FBH1: variants seen among roughly 807,000 people sequenced by gnomAD.
FBH1 encodes the protein F-box DNA helicase 1.
FBH1 carries 43 observed loss-of-function variants against 115.5 expected under a neutral mutation model. The ratio of observed to expected loss-of-function variants is 0.37; its 90% CI spans 0.29 to 0.48. The LOEUF is 0.48. FBH1 is among the 20% of genes least tolerant of loss of function. The pLI, the probability that FBH1 is intolerant of heterozygous loss-of-function variation, is 0.99. For missense variants in FBH1, 1,001 were observed against 1,337.3 expected, an observed-to-expected ratio of 0.75 and a Z score of 3.92; for synonymous variants, 524 against 507.8, an observed-to-expected ratio of 1.03 and a Z score of -0.43.
At position 5,924,573 on chromosome 10, in the gene FBH1, T is replaced by G. The variant is rs1832518437; in HGVS notation, c.2596+65T>G. On this transcript the variant is annotated intron_variant, in intron 17 of 20. Transcript: ENST00000362091. The surrounding 1 kb of genome is among the most constrained non-coding windows in gnomAD (Gnocchi z 6.2). ...AGGAACAGATGGTCTTCTGCTGTTC[T>G]TTTTTTTTTTTTGAGACAGAGTATT... 1 of 273,884 alleles carries G rather than the reference T, an allele frequency of 3.7e-6. No individual in the cohort carries two copies. The highest frequency in any genetic ancestry group is 3.1e-5 in the African/African-American group (1 of 32,054). The allele number at this position is 273,884 out of a possible 1,614,324, so 17.0% of individuals were successfully genotyped here. A position where few individuals can be genotyped will look rare whatever the true frequency, so the allele number is the denominator to read the frequency against.
At position 5,917,747 on chromosome 10, in the gene FBH1, C is replaced by T; in HGVS notation, c.1963+71C>T. The T allele has an allele frequency of 9.0e-7, 1 of 1,105,646 alleles. No individual in the cohort carries two copies. The highest frequency in any genetic ancestry group is 2.4e-5 in the East Asian group (1 of 40,832). 68.5% of individuals were successfully genotyped at this position (1,105,646 alleles called of 1,614,324 possible). ...AGCGCCATGATTATGTAAGAGGACA[C>T]CTGTGTGAACTAAGTTGATTATTAT... On this transcript the variant is annotated intron_variant, in intron 12 of 20. Transcript: ENST00000362091. The surrounding 1 kb of genome is among the most constrained non-coding windows in gnomAD (Gnocchi z 5.6).
In FBH1 at chr10:5,911,267, T is replaced by G; in HGVS notation, c.1211+139T>G. 1.2e-6 allele frequency: 1 copy of G among 803,128 alleles called. No individual in the cohort carries two copies. Among genetic ancestry groups the G allele is most frequent in the Admixed American group, 2.9e-5 (1 of 34,932 alleles). 49.8% of individuals were successfully genotyped at this position (803,128 alleles called of 1,614,324 possible). ...CACCTGCTCCACCTCAGTGTCATCT[T>G]CTGCAGGAGCCAGGGGCTGAGAGTT... On this transcript the variant is annotated intron_variant, in intron 6 of 20. Transcript: ENST00000362091. This position sits in a 1 kb window ranked among gnomAD's most constrained non-coding sequence, Gnocchi z 5.4.
chr10:5,914,032 T>G lies in FBH1; in HGVS notation c.1305-146T>G. The G allele has an allele frequency of 1.2e-6, 1 of 829,568 alleles. No homozygotes were observed. The highest frequency in any genetic ancestry group is 2.5e-5 in the East Asian group (1 of 39,766). The allele number at this position is 829,568 out of a possible 1,614,324, so 51.4% of individuals were successfully genotyped here. On this transcript the variant is annotated intron_variant, in intron 7 of 20. Transcript: ENST00000362091. This position sits in a 1 kb window ranked among gnomAD's most constrained non-coding sequence, Gnocchi z 5.2. ...GTGCATCAGCATCATAATCTAGCTTTAGAACATGTTTATTCTCGTAAGGGG... is the reference window on the plus strand; with the variant it reads ...GTGCATCAGCATCATAATCTAGCTTGAGAACATGTTTATTCTCGTAAGGGG...
Position 5,906,535 on chromosome 10 carries a change from T to A in FBH1, c.656T>A (p.Val219Asp). Residue 219 changes from valine (V) to aspartate (D), a missense_variant, in exon 3 of 21, where the codon GTC (valine) becomes GAC (aspartate). Val to Asp is a radical substitution (Grantham distance 152, BLOSUM62 -3). This residue lies in a region of FBH1 where 420 missense variants were observed against 430.4 expected (regional missense o/e 0.98). Coordinates refer to ENST00000362091, the MANE Select transcript of FBH1 (RefSeq NM_178150.3). The surrounding 1 kb of genome is among the most constrained non-coding windows in gnomAD (Gnocchi z 7.3). ...CACATTTGCAGCCTGCCTAGTGAGG[T>A]CCTGAGGCACGTGTTTGCCTTCCTC... ...LSHICSLPSE[V>D]LRHVFAFLPV... 2 of 1,614,008 alleles carry A rather than the reference T, an allele frequency of 1.2e-6. No individual in the cohort carries two copies. The highest frequency in any genetic ancestry group is 1.7e-6 in the Non-Finnish European group (2 of 1,179,996).
chr10:5,901,047 A>G (rs558542319), intron 1 of FBH1, among the ~76,000 whole-genome samples: 1 of 152,312 alleles, frequency 6.6e-6, no homozygotes, highest in South Asian at 2.1e-4. Context: ...CAGTGAGCCA[A>G]GATTGTGTCA....
At position 5,933,977 on chromosome 10, in the gene FBH1, T is replaced by C. The variant is rs1158669082; in HGVS notation, c.2830-2479T>C. 1.3e-5 allele frequency among the ~76,000 whole-genome samples: 2 copies of C among 152,190 alleles called. No individual in the cohort carries two copies. The highest frequency in any genetic ancestry group is 2.4e-5 in the African/African-American group (1 of 41,442). On this transcript the variant is annotated intron_variant, in intron 19 of 20. Transcript: ENST00000362091. This position sits in a 1 kb window ranked among gnomAD's most constrained non-coding sequence, Gnocchi z 4.9. The stretch of plus-strand genomic sequence containing the variant: ...TTTTTTGTTGTTGTTGATCACAGCC[T>C]GTGAATAAATTTGGGGATATCCTGT...
At position 5,925,339 on chromosome 10, in the gene FBH1, T is replaced by C. The variant is rs183370891; in HGVS notation, c.2597-28T>C. On this transcript the variant is annotated intron_variant, in intron 17 of 20. Transcript: ENST00000362091. The surrounding 1 kb of genome is among the most constrained non-coding windows in gnomAD (Gnocchi z 4.6). Reference sequence around the variant, plus strand: ...TTGTTTCTTTCCCTTTGAAGCACCATCTAACGTGTGCTGTGTTTTTATCCT... The same window carrying C: ...TTGTTTCTTTCCCTTTGAAGCACCACCTAACGTGTGCTGTGTTTTTATCCT... The C allele has an allele frequency of 1.0e-4, 162 of 1,611,998 alleles. No homozygotes were observed. The highest frequency in any genetic ancestry group is 1.3e-4 in the Non-Finnish European group (158 of 1,179,172).
intron 1 of FBH1, chr10:5,894,380 C>A (rs1589041895): frequency 1.3e-6 from 2 of 1,580,238 alleles, no homozygotes; most frequent in South Asian, 1.1e-5. Flanking sequence ...TTGAGGTTTT[C>A]AGAAGCTGCT....
At position 5,931,095 on chromosome 10, in the gene FBH1, A is replaced by G. The variant is rs1832946352; in HGVS notation, c.2829+3554A>G. On this transcript the variant is annotated intron_variant, in intron 19 of 20. Coordinates refer to ENST00000362091, the MANE Select transcript of FBH1 (RefSeq NM_178150.3). This position sits in a 1 kb window ranked among gnomAD's most constrained non-coding sequence, Gnocchi z 4.3. ...GTTGTTAAATATAACACAAGTATAT[A>G]AAACAGCATATAGCAGTTTAAAATG... Among the ~76,000 whole-genome samples the G allele has an allele frequency of 6.6e-6, 1 of 152,072 alleles. No individual in the cohort carries two copies. Among genetic ancestry groups the G allele is most frequent in the African/African-American group, 2.4e-5 (1 of 41,370 alleles).
In FBH1 at chr10:5,918,624, G is replaced by T. The variant is rs1294088244; in HGVS notation, c.2100+146G>T. ...GGTTCTCAAAGTGTGGTTCTCAGGG[G>T]TCTGCCAAGTCACACTGTTTTCATA... On this transcript the variant is annotated intron_variant, in intron 13 of 20. Coordinates refer to ENST00000362091, the MANE Select transcript of FBH1 (RefSeq NM_178150.3). The surrounding 1 kb of genome is among the most constrained non-coding windows in gnomAD (Gnocchi z 4.0). 2.8e-6 allele frequency: 3 copies of T among 1,058,140 alleles called. No homozygotes were observed. The highest frequency in any genetic ancestry group is 3.9e-6 in the Non-Finnish European group (3 of 778,114). 65.5% of individuals were successfully genotyped at this position (1,058,140 alleles called of 1,614,324 possible). A position where few individuals can be genotyped will look rare whatever the true frequency, so the allele number is the denominator to read the frequency against.
In FBH1 at chr10:5,915,773, T is replaced by C. The variant is rs1831889689; in HGVS notation, c.1565+202T>C. The C allele has an allele frequency of 1.7e-6, 1 of 577,702 alleles. No homozygotes were observed. The allele number at this position is 577,702 out of a possible 1,614,324, so 35.8% of individuals were successfully genotyped here. ...GTAGCAACATATTGTTTACATATAA[T>C]GCCGTCTTGCCAAGAGGGGTGTTCT... On this transcript the variant is annotated intron_variant, in intron 9 of 20. Transcript: ENST00000362091. This position sits in a 1 kb window ranked among gnomAD's most constrained non-coding sequence, Gnocchi z 5.2.
At chr10:5,912,512 G>A (rs1454235302) in intron 6 of FBH1, among the ~76,000 whole-genome samples, 3 of 152,026 alleles carry the variant, frequency 2.0e-5, no homozygotes, top group Non-Finnish European at 4.4e-5. Context: ...GCCGGGGGAG[G>A]GGGGTCCCTT....
chr10:5,908,481 T>C (rs1843861307), intron 3 of FBH1, among the ~76,000 whole-genome samples: 1 of 152,242 alleles, frequency 6.6e-6, no homozygotes, highest in African/African-American at 2.4e-5. Flanking sequence ...GTTCTCCTAG[T>C]TTCCAACAAA....
Position 5,913,833 on chromosome 10 carries a change from G to A in FBH1, c.1298G>A (p.Trp433Ter). 2.5e-6 allele frequency: 4 copies of A among 1,599,484 alleles called. No individual in the cohort carries two copies. Among genetic ancestry groups the A allele is most frequent in the Non-Finnish European group, 3.4e-6 (4 of 1,175,708 alleles). Residue 433 changes from tryptophan (W) to a stop codon, truncating the protein, a stop_gained, in exon 7 of 21, where the codon TGG (tryptophan) becomes TAG (stop). Transcript: ENST00000362091. LOFTEE classifies it high-confidence loss of function. The surrounding 1 kb of genome is among the most constrained non-coding windows in gnomAD (Gnocchi z 4.4). ...ATKVKEEPSVWPGKKTIQLTH... is the reference protein window; with the variant it reads ...ATKVKEEPSV ...AAAGTTAAAGAGGAGCCATCTGTCTGGCCAGGGTATGTGTATATGTGCGTC... is the reference window on the plus strand; with the variant it reads ...AAAGTTAAAGAGGAGCCATCTGTCTAGCCAGGGTATGTGTATATGTGCGTC...
At chr10:5,904,822 G>A (rs1208013620) in intron 2 of FBH1, among the ~76,000 whole-genome samples, 2 of 152,074 alleles carry the variant, frequency 1.3e-5, no homozygotes, top group African/African-American at 4.8e-5. Flanking sequence ...CCAAGAAACA[G>A]TTAACCGTTA....
chr10:5,917,339 A>G lies in FBH1; in HGVS notation c.1789-81A>G, dbSNP rs886921120. 2.5e-5 allele frequency: 29 copies of G among 1,156,936 alleles called. No individual in the cohort carries two copies. The highest frequency in any genetic ancestry group is 3.8e-5 in the Admixed American group (2 of 52,420). 71.7% of individuals were successfully genotyped at this position (1,156,936 alleles called of 1,614,324 possible). On this transcript the variant is annotated intron_variant, in intron 10 of 20. Transcript: ENST00000362091. This position sits in a 1 kb window ranked among gnomAD's most constrained non-coding sequence, Gnocchi z 5.6. ...GAGGATGCCCTGGCTCCACTGCTGTATGGGAGTTGACAGTGTGACCGCAGG... is the reference window on the plus strand; with the variant it reads ...GAGGATGCCCTGGCTCCACTGCTGTGTGGGAGTTGACAGTGTGACCGCAGG...
chr10:5,911,136 C>T lies in FBH1; in HGVS notation c.1211+8C>T. On this transcript the variant is annotated splice_region_variant and intron_variant, in intron 6 of 20. Transcript: ENST00000362091. The surrounding 1 kb of genome is among the most constrained non-coding windows in gnomAD (Gnocchi z 5.4). Reference sequence around the variant, plus strand: ...GATTAACATCAGCAATAGGTAATGCCCCGGGAGGAGGGGAGGGGATGCTGT... The same window carrying T: ...GATTAACATCAGCAATAGGTAATGCTCCGGGAGGAGGGGAGGGGATGCTGT... 6.2e-7 allele frequency: 1 copy of T among 1,605,714 alleles called. No individual in the cohort carries two copies. The highest frequency in any genetic ancestry group is 2.2e-5 in the East Asian group (1 of 44,556).
rs1029048690 is a variant in FBH1 at position 5,924,677 on chromosome 10, C to G, written c.2596+169C>G. On this transcript the variant is annotated intron_variant, in intron 17 of 20. Coordinates refer to ENST00000362091, the MANE Select transcript of FBH1 (RefSeq NM_178150.3). The surrounding 1 kb of genome is among the most constrained non-coding windows in gnomAD (Gnocchi z 6.2). ...CCACCTTCTGGGTTCAAGCAATTAT[C>G]CTGCCTCAGCCTCGTGAGTAGCTGG... The G allele has an allele frequency of 2.9e-6, 2 of 693,382 alleles. No homozygotes were observed. Among genetic ancestry groups the G allele is most frequent in the African/African-American group, 1.8e-5 (1 of 56,668 alleles). 43.0% of individuals were successfully genotyped at this position (693,382 alleles called of 1,614,324 possible). A position where few individuals can be genotyped will look rare whatever the true frequency, so the allele number is the denominator to read the frequency against.
rs1360834215 is a variant in FBH1 at position 5,917,209 on chromosome 10, G to A, written c.1789-211G>A. Reference sequence around the variant, plus strand: ...TGATCTCTGTCCTGTCACGGGCATGGCACGGCCCGGCTGCTTCCTGTCTCA... The same window carrying A: ...TGATCTCTGTCCTGTCACGGGCATGACACGGCCCGGCTGCTTCCTGTCTCA... On this transcript the variant is annotated intron_variant, in intron 10 of 20. Coordinates refer to ENST00000362091, the MANE Select transcript of FBH1 (RefSeq NM_178150.3). This position sits in a 1 kb window ranked among gnomAD's most constrained non-coding sequence, Gnocchi z 5.6. The A allele has an allele frequency of 1.2e-5, 7 of 577,972 alleles. No homozygotes were observed. Among genetic ancestry groups the A allele is most frequent in the Non-Finnish European group, 1.9e-5 (6 of 321,664 alleles). The allele number at this position is 577,972 out of a possible 1,614,324, so 35.8% of individuals were successfully genotyped here.
Sources: allele counts gnomAD v4.1 joint callset (sites outside exome capture counted in the v4.1 genomes callset), GRCh38; gene constraint gnomAD v4.1.1; regional missense constraint gnomAD v4.1.1; non-coding constraint Gnocchi (gnomAD v3.1); transcripts MANE v1.5; gene names NCBI Gene and HGNC (gene_info 2026-07-23, HGNC 2026-07-21).